SLIT3: variants seen among roughly 807,000 people sequenced by gnomAD.
The protein encoded by SLIT3 is slit guidance ligand 3.
In SLIT3, 68 loss-of-function variants were observed where a neutral mutation model predicts 184.0. The ratio of observed to expected loss-of-function variants is 0.37; its 90% CI spans 0.30 to 0.45. The LOEUF is 0.45. SLIT3 is among the 20% of genes least tolerant of loss of function. The pLI, the probability that SLIT3 is intolerant of heterozygous loss-of-function variation, is 1.00. For missense variants in SLIT3, 1,707 were observed against 2,026.0 expected, an observed-to-expected ratio of 0.84 and a Z score of 3.02; for synonymous variants, 831 against 828.6, an observed-to-expected ratio of 1.00 and a Z score of -0.05.
chr5:169,227,895 T>C (rs1303140606), intron 3 of SLIT3, among the ~76,000 whole-genome samples: 1 of 152,204 alleles, frequency 6.6e-6, no homozygotes, highest in Non-Finnish European at 1.5e-5. Context: ...TAGCCTGTGC[T>C]CCTCATCTTC....
At chr5:169,184,064 T>C (rs1490066441) in intron 4 of SLIT3, among the ~76,000 whole-genome samples, 2 of 152,256 alleles carry the variant, frequency 1.3e-5, no homozygotes, top group Non-Finnish European at 2.9e-5. Flanking sequence ...CTACCTTTGA[T>C]AAATTGTAGG....
intron 4 of SLIT3, among the ~76,000 whole-genome samples, chr5:168,992,809 T>C (rs992235686): frequency 2.0e-5 from 3 of 152,214 alleles, no homozygotes; most frequent in African/African-American, 7.2e-5. Flanking sequence ...GCCTCCAGGA[T>C]TACTGAACAT....
intron 3 of SLIT3, among the ~76,000 whole-genome samples, chr5:169,215,526 C>T (rs1312007243): frequency 2.0e-5 from 3 of 152,156 alleles, no homozygotes; most frequent in Non-Finnish European, 4.4e-5. Context: ...GTCAACATTA[C>T]TCAATTCTGC....
At chr5:168,885,434 G>A (rs899344957) in intron 4 of SLIT3, among the ~76,000 whole-genome samples, 2 of 152,224 alleles carry the variant, frequency 1.3e-5, no homozygotes, top group African/African-American at 4.8e-5. Context: ...GTCAGGCGGT[G>A]TCACCAAGGC....
intron 26 of SLIT3, among the ~76,000 whole-genome samples, chr5:168,701,491 A>T (rs1345847833): frequency 6.6e-6 from 1 of 152,200 alleles, no homozygotes; most frequent in Non-Finnish European, 1.5e-5. Context: ...TGAGCTGAGA[A>T]GGAGCCAACT....
intron 3 of SLIT3, among the ~76,000 whole-genome samples, chr5:169,211,432 C>T (rs185016926): frequency 2.6e-5 from 4 of 152,238 alleles, no homozygotes; most frequent in East Asian, 3.9e-4. Context: ...GAGTAAAAGT[C>T]TAAGTGCTTA....
At chr5:169,198,060 C>A (rs903878863) in intron 3 of SLIT3, among the ~76,000 whole-genome samples, 4 of 152,308 alleles carry the variant, frequency 2.6e-5, no homozygotes, top group Admixed American at 2.0e-4. Context: ...ATGCATCAAC[C>A]AACCCATCTA....
At chr5:169,111,247 T>G (rs1228914597) in intron 4 of SLIT3, among the ~76,000 whole-genome samples, 1 of 152,216 alleles carries the variant, frequency 6.6e-6, no homozygotes, top group Non-Finnish European at 1.5e-5. Flanking sequence ...CCTCCAGAAC[T>G]GTGAGACTAT....
At chr5:169,028,571 A>G (rs531417976) in intron 4 of SLIT3, among the ~76,000 whole-genome samples, 2 of 152,394 alleles carry the variant, frequency 1.3e-5, no homozygotes, top group African/African-American at 2.4e-5. Flanking sequence ...TGCTATAATC[A>G]TCATTGCTTG....
At chr5:168,913,322 T>C (rs943566366) in intron 4 of SLIT3, among the ~76,000 whole-genome samples, 27 of 152,220 alleles carry the variant, frequency 1.8e-4, no homozygotes, top group African/African-American at 6.3e-4. Flanking sequence ...CTGCCATTGG[T>C]TTGAGAAGCA....
rs1441433265 is a variant in SLIT3, at chr5:168,687,021, T to C, written c.3272A>G (p.Asp1091Gly). ...HKCRHGAQCVDTINGYTCTCP... is the reference protein window; with the variant it reads ...HKCRHGAQCVGTINGYTCTCP... ...GGTGCATGTGTAGCCATTGATTGTG[T>C]CCACGCACTGGGCCCCGTGGCGGCA... The change falls in exon 30 of 36, where the codon GAC (aspartate) becomes GGC (glycine). Residue 1091 changes from aspartate to glycine, a missense_variant. By Grantham distance (94) the Asp-to-Gly change is moderately conservative (BLOSUM62 -1). Transcript: ENST00000519560. The C allele has an allele frequency of 6.2e-7, 1 of 1,614,244 alleles. No individual in the cohort carries two copies. Among genetic ancestry groups the C allele is most frequent in the Non-Finnish European group, 8.5e-7 (1 of 1,180,032 alleles).
intron 32 of SLIT3, among the ~76,000 whole-genome samples, chr5:168,682,994 G>GA (rs1761634929): frequency 1.3e-5 from 2 of 151,960 alleles, no homozygotes; most frequent in South Asian, 2.1e-4. Flanking sequence ...CTGAGAAGCT[G>GA]AAAAAAATCT....
chr5:169,167,469 G>A (rs1762677477), intron 4 of SLIT3, among the ~76,000 whole-genome samples: 1 of 151,506 alleles, frequency 6.6e-6, no homozygotes, highest in East Asian at 2.0e-4. Flanking sequence ...GTAGAGACGG[G>A]GTTTCACCGT....
intron 4 of SLIT3, among the ~76,000 whole-genome samples, chr5:168,979,704 CTGTT>C (rs1366793949): frequency 2.6e-5 from 4 of 152,172 alleles, no homozygotes; most frequent in African/African-American, 9.7e-5. Context: ...CCAAGGTGCT[CTGTT>C]TGTGTGATTT....
intron 4 of SLIT3, among the ~76,000 whole-genome samples, chr5:169,148,768 A>T (rs890282152): frequency 1.4e-4 from 21 of 152,246 alleles, no homozygotes; most frequent in African/African-American, 5.1e-4. Context: ...TTAACAAGGA[A>T]ACGGAGTGGA....
intron 4 of SLIT3, among the ~76,000 whole-genome samples, chr5:169,179,831 G>A (rs1369588944): frequency 1.3e-5 from 2 of 152,040 alleles, no homozygotes; most frequent in Non-Finnish European, 2.9e-5. Context: ...GGAGAGACCA[G>A]GTTCCTTCTC....
chr5:168,897,646 G>GCGCGCGCGCGCGCGCA, intron 4 of SLIT3, among the ~76,000 whole-genome samples: 3 of 105,442 alleles, frequency 2.8e-5, no homozygotes, highest in South Asian at 2.8e-4. Flanking sequence ...ACAGGTGCAC[G>GCGCGCGCGCGCGCGCA]TACACACACA....
chr5:168,762,836 A>C lies in SLIT3; in HGVS notation c.1460-147T>G. The C allele has an allele frequency of 4.0e-6, 3 of 750,178 alleles. No homozygotes were observed. The East Asian group carries it at 7.7e-5, about 19-fold the overall frequency. The allele number at this position is 750,178 out of a possible 1,614,324, so 46.5% of individuals were successfully genotyped here. A position where few individuals can be genotyped will look rare whatever the true frequency, so the allele number is the denominator to read the frequency against. Reference sequence around the variant, plus strand: ...TAACAGACACGGCATCGCCTTTGCTATATGGCCACCTTGCTGGTGCCTTCC... The same window carrying C: ...TAACAGACACGGCATCGCCTTTGCTCTATGGCCACCTTGCTGGTGCCTTCC... On this transcript the variant is annotated intron_variant, in intron 14 of 35. Transcript: ENST00000519560.
At chr5:169,008,795 G>T (rs2113448475) in intron 4 of SLIT3, among the ~76,000 whole-genome samples, 1 of 152,192 alleles carries the variant, frequency 6.6e-6, no homozygotes, top group African/African-American at 2.4e-5. Context: ...CCCTTCCTTT[G>T]CCTCACAGAT....
Sources: allele counts gnomAD v4.1 joint callset (sites outside exome capture counted in the v4.1 genomes callset), GRCh38; gene constraint gnomAD v4.1.1; transcripts MANE v1.5; gene names NCBI Gene and HGNC (gene_info 2026-07-23, HGNC 2026-07-21).